The following CADPS2 variants were observed in gnomAD, a reference collection of about 807,000 sequenced individuals.
CADPS2 encodes calcium-dependent secretion activator 2.
In CADPS2, 93 loss-of-function variants were observed where a neutral mutation model predicts 172.5. That is an observed-to-expected ratio of 0.54 (90% CI 0.46 to 0.64). The LOEUF (loss-of-function observed/expected upper bound fraction) is 0.64. Ranked by LOEUF, CADPS2 falls within the 30% of genes least tolerant of loss-of-function variation. CADPS2 has a pLI of 0.00. For synonymous variants in CADPS2, 546 were observed against 555.2 expected (o/e 0.98, Z 0.23); for missense variants, 1,420 against 1,565.9 (o/e 0.91, Z 1.57).
In CADPS2 at chr7:122,570,368, A is replaced by C. The variant is rs570427585; in HGVS notation, c.1335+10811T>G. Among the ~76,000 whole-genome samples, 40 of 151,744 alleles carry C rather than the reference A, an allele frequency of 2.6e-4. No individual in the cohort carries two copies. The South Asian group carries it at 4.4e-3, about 17-fold the overall frequency. ...ACACCAGTTAGAATGGCAATCATTA[A>C]AAAGTCAGGAAACAACAGGTGCTGG... On this transcript the variant is annotated intron_variant, in intron 7 of 29. Transcript: ENST00000449022.
intron 11 of CADPS2, among the ~76,000 whole-genome samples, chr7:122,486,401 T>C (rs192135613): frequency 2.2e-4 from 34 of 152,272 alleles, no homozygotes; most frequent in African/African-American, 5.1e-4. Context: ...CTTTAAGGGA[T>C]TGAAGACTTG....
chr7:122,682,603 G>A (rs1409000736), intron 2 of CADPS2, among the ~76,000 whole-genome samples: 1 of 152,098 alleles, frequency 6.6e-6, no homozygotes, highest in Non-Finnish European at 1.5e-5. Flanking sequence ...AAAAAAATAT[G>A]TGTTCCCATG....
intron 7 of CADPS2, among the ~76,000 whole-genome samples, chr7:122,555,260 T>G (rs942769178): frequency 2.0e-5 from 3 of 152,088 alleles, no homozygotes; most frequent in East Asian, 3.9e-4. Context: ...TTATAATGAC[T>G]GAAACAAAGT....
chr7:122,742,836 C>G (rs1194228241), intron 1 of CADPS2, among the ~76,000 whole-genome samples: 3 of 152,118 alleles, frequency 2.0e-5, no homozygotes, highest in Admixed American at 2.0e-4. Flanking sequence ...GTTATAATCA[C>G]TAACATAATA....
At chr7:122,723,562 A>G (rs928322924) in intron 2 of CADPS2, among the ~76,000 whole-genome samples, 2 of 152,128 alleles carry the variant, frequency 1.3e-5, no homozygotes, top group African/African-American at 2.4e-5. Context: ...AAATAGGAAC[A>G]CTTTCACACT....
At chr7:122,749,316 G>A (rs932448529) in intron 1 of CADPS2, among the ~76,000 whole-genome samples, 1 of 152,074 alleles carries the variant, frequency 6.6e-6, no homozygotes, top group African/African-American at 2.4e-5. Flanking sequence ...AATAATAGGT[G>A]CCTAATAGCT....
chr7:122,462,891 A>T (rs1383213860), intron 14 of CADPS2, among the ~76,000 whole-genome samples: 1 of 152,152 alleles, frequency 6.6e-6, no homozygotes, highest in Non-Finnish European at 1.5e-5. Context: ...AAGGAGGAAG[A>T]TCACTTGAGC....
At chr7:122,493,867 C>T (rs2129916445) in intron 9 of CADPS2, among the ~76,000 whole-genome samples, 1 of 151,996 alleles carries the variant, frequency 6.6e-6, no homozygotes, top group African/African-American at 2.4e-5. Flanking sequence ...GTTTCCTAAT[C>T]AAATAGTTTG....
intron 8 of CADPS2, among the ~76,000 whole-genome samples, chr7:122,535,410 A>G (rs1444920442): frequency 6.6e-6 from 1 of 152,036 alleles, no homozygotes; most frequent in South Asian, 2.1e-4. Context: ...AAATGTATTT[A>G]ATCTACTATA....
At chr7:122,831,469 CA>C (rs1334291240) in intron 1 of CADPS2, among the ~76,000 whole-genome samples, 3 of 152,174 alleles carry the variant, frequency 2.0e-5, no homozygotes, top group African/African-American at 2.4e-5. Flanking sequence ...CAATTGGAGA[CA>C]TGTAAATAAA....
intron 2 of CADPS2, among the ~76,000 whole-genome samples, chr7:122,726,160 T>C (rs532352570): frequency 7.8e-4 from 119 of 151,890 alleles, no homozygotes; most frequent in African/African-American, 2.5e-3. Context: ...TACTGTCTTA[T>C]AGAAACTGTC....
intron 6 of CADPS2, among the ~76,000 whole-genome samples, chr7:122,596,701 T>C (rs1470214252): frequency 6.6e-6 from 1 of 152,080 alleles, no homozygotes; most frequent in Admixed American, 6.6e-5. Flanking sequence ...CATTACATAT[T>C]CAAGACAGAA....
In CADPS2 at chr7:122,579,450, A is replaced by AATATATATAT. The variant is rs3034498; in HGVS notation, c.1335+1719_1335+1728dup. 2.7e-3 allele frequency among the ~76,000 whole-genome samples: 345 copies of AATATATATAT among 128,628 alleles called. 1 individual carries two copies. Among genetic ancestry groups the AATATATATAT allele is most frequent in the Admixed American group, 6.2e-3 (76 of 12,344 alleles). 84.4% of individuals were successfully genotyped at this position (128,628 alleles called of 152,430 possible). On this transcript the variant is annotated intron_variant, in intron 7 of 29. Coordinates refer to ENST00000449022, the MANE Select transcript of CADPS2 (RefSeq NM_017954.11). Reference sequence around the variant, plus strand: ...GTTTCTCAGATATAAAATTGCATCGAATATATATATATATATATATATATA... The same window carrying AATATATATAT: ...GTTTCTCAGATATAAAATTGCATCGAATATATATATATATATATATATATATATATATATA...
At chr7:122,745,420 C>T (rs2138150733) in intron 1 of CADPS2, among the ~76,000 whole-genome samples, 1 of 151,900 alleles carries the variant, frequency 6.6e-6, no homozygotes, top group East Asian at 1.9e-4. Flanking sequence ...ATCTTGATCC[C>T]AAAGCCTATA....
intron 3 of CADPS2, among the ~76,000 whole-genome samples, chr7:122,662,932 T>C (rs948621293): frequency 2.6e-5 from 4 of 152,186 alleles, no homozygotes; most frequent in African/African-American, 4.8e-5. Flanking sequence ...AGGAGATGAT[T>C]TTCCTTTTAC....
intron 1 of CADPS2, among the ~76,000 whole-genome samples, chr7:122,792,907 CTAATT>C (rs1353498210): frequency 1.3e-5 from 2 of 152,194 alleles, no homozygotes. Flanking sequence ...TTGTGCAACT[CTAATT>C]TAATTCACCA....
chr7:122,560,443 T>TA (rs2065608714), intron 7 of CADPS2, among the ~76,000 whole-genome samples: 1 of 152,110 alleles, frequency 6.6e-6, no homozygotes, highest in Admixed American at 6.6e-5. Flanking sequence ...AAGTAAAGAA[T>TA]AATTCCCCTC....
intron 9 of CADPS2, among the ~76,000 whole-genome samples, chr7:122,496,489 T>C (rs2058739739): frequency 6.6e-6 from 1 of 152,172 alleles, no homozygotes; most frequent in Non-Finnish European, 1.5e-5. Context: ...CTCATATAAT[T>C]AGCTTATTCA....
At chr7:122,708,494 T>G (rs1387820915) in intron 2 of CADPS2, among the ~76,000 whole-genome samples, 1 of 127,876 alleles carries the variant, frequency 7.8e-6, no homozygotes, top group Non-Finnish European at 1.7e-5. Context: ...ATATTGGATA[T>G]GTAGATCCAA....
Sources: allele counts gnomAD v4.1 joint callset (sites outside exome capture counted in the v4.1 genomes callset), GRCh38; gene constraint gnomAD v4.1.1; transcripts MANE v1.5; gene names NCBI Gene and HGNC (gene_info 2026-07-23, HGNC 2026-07-21).